PLPP4: variants seen among roughly 807,000 people sequenced by gnomAD.
PLPP4 encodes diacylglycerol pyrophosphate like 2.
A neutral mutation model predicts 32.2 loss-of-function variants in PLPP4; 20 were observed. The ratio of observed to expected loss-of-function variants is 0.62; its 90% CI spans 0.44 to 0.90. The LOEUF (loss-of-function observed/expected upper bound fraction) is 0.90. Among genes scored for constraint, PLPP4 ranks in the 40% least tolerant of loss-of-function variants. The probability of loss-of-function intolerance (pLI) is 0.00; values close to 1 mark genes in which losing one functional copy is unlikely to be tolerated. For missense variants in PLPP4, 257 were observed against 353.1 expected, an observed-to-expected ratio of 0.73 and a Z score of 2.18; for synonymous variants, 127 against 133.0, an observed-to-expected ratio of 0.95 and a Z score of 0.31.
chr10:120,523,155 A>G (rs1846233983), intron 5 of PLPP4, among the ~76,000 whole-genome samples: 1 of 152,146 alleles, frequency 6.6e-6, no homozygotes, highest in African/African-American at 2.4e-5. Flanking sequence ...CAAAAAAATT[A>G]GCTGGACTTG....
At chr10:120,540,532 A>T (rs1282841646) in intron 5 of PLPP4, among the ~76,000 whole-genome samples, 1 of 152,186 alleles carries the variant, frequency 6.6e-6, no homozygotes, top group African/African-American at 2.4e-5. Context: ...ACAATGCCTT[A>T]TGCCAATTAG....
chr10:120,496,772 G>A (rs1844981009), intron 1 of PLPP4, among the ~76,000 whole-genome samples: 1 of 152,084 alleles, frequency 6.6e-6, no homozygotes, highest in Non-Finnish European at 1.5e-5. Context: ...CCCCTCCTGT[G>A]TCCTTTCTAT....
intron 5 of PLPP4, among the ~76,000 whole-genome samples, chr10:120,537,992 TTCTCTCTCTCTCTC>T (rs1158226991): frequency 0.016 from 297 of 19,048 alleles, 44 homozygotes; most frequent in Middle Eastern, 0.05. Flanking sequence ...ACCAGGCCCT[TTCTCTCTCTCTCTC>T]TCTCTCTCTC....
chr10:120,559,691 TCA>T (rs1465754916), intron 5 of PLPP4, among the ~76,000 whole-genome samples: 1 of 151,964 alleles, frequency 6.6e-6, no homozygotes, highest in Non-Finnish European at 1.5e-5. Flanking sequence ...CATAGAGGAA[TCA>T]CAAAGCCTAG....
intron 5 of PLPP4, among the ~76,000 whole-genome samples, chr10:120,566,378 C>T (rs899170390): frequency 6.6e-6 from 1 of 152,096 alleles, no homozygotes; most frequent in African/African-American, 2.4e-5. Flanking sequence ...AATTAACTCC[C>T]CACTTAAGGT....
intron 5 of PLPP4, among the ~76,000 whole-genome samples, chr10:120,552,552 A>G (rs1338345032): frequency 2.6e-5 from 4 of 152,168 alleles, no homozygotes; most frequent in African/African-American, 7.2e-5. Flanking sequence ...TTTGAATTCA[A>G]TGTGCATATT....
intron 5 of PLPP4, among the ~76,000 whole-genome samples, chr10:120,551,281 A>T (rs1847889805): frequency 2.6e-5 from 4 of 152,176 alleles, no homozygotes; most frequent in Non-Finnish European, 5.9e-5. Flanking sequence ...GTTGCTGGTG[A>T]TGTATAAATT....
chr10:120,476,967 C>T (rs1268754566), intron 1 of PLPP4, among the ~76,000 whole-genome samples: 1 of 152,172 alleles, frequency 6.6e-6, no homozygotes. Context: ...TCTTGTCACC[C>T]TGACCTTGTC....
intron 1 of PLPP4, among the ~76,000 whole-genome samples, chr10:120,488,025 G>A (rs962289591): frequency 6.6e-6 from 1 of 152,182 alleles, no homozygotes; most frequent in African/African-American, 2.4e-5. Context: ...CCAGAAGTCA[G>A]GGGCTCTCTG....
At chr10:120,570,704 G>A (rs1848894690) in intron 5 of PLPP4, among the ~76,000 whole-genome samples, 1 of 152,096 alleles carries the variant, frequency 6.6e-6, no homozygotes, top group African/African-American at 2.4e-5. Context: ...TCTTTACAAA[G>A]GGAGAGTTTT....
At position 120,515,194 on chromosome 10, in the gene PLPP4, C is replaced by G. The variant is rs117881975; in HGVS notation, c.256+1193C>G. Among the ~76,000 whole-genome samples, 752 of 152,252 alleles carry G rather than the reference C, an allele frequency of 4.9e-3. 3 individuals are homozygous for G. Among genetic ancestry groups the G allele is most frequent in the Non-Finnish European group, 9.5e-3 (644 of 68,008 alleles). On this transcript the variant is annotated intron_variant, in intron 3 of 6. Transcript: ENST00000398250. ...TACAGGGCTCTGATAAGCAATCTCACAGACATCCAAGAAAAAGGGGGAAAG... is the reference window on the plus strand; with the variant it reads ...TACAGGGCTCTGATAAGCAATCTCAGAGACATCCAAGAAAAAGGGGGAAAG...
chr10:120,560,495 C>G (rs1181041969), intron 5 of PLPP4, among the ~76,000 whole-genome samples: 1 of 152,220 alleles, frequency 6.6e-6, no homozygotes, highest in Non-Finnish European at 1.5e-5. Flanking sequence ...TGGCTCACGC[C>G]TGTAATCCCA....
intron 1 of PLPP4, among the ~76,000 whole-genome samples, chr10:120,496,847 A>C (rs1206469561): frequency 1.3e-5 from 2 of 152,028 alleles, no homozygotes; most frequent in Admixed American, 1.3e-4. Flanking sequence ...ATTAACCAAC[A>C]AGAGCATGGG....
chr10:120,489,230 G>A (rs1564790992), intron 1 of PLPP4, among the ~76,000 whole-genome samples: 1 of 152,208 alleles, frequency 6.6e-6, no homozygotes, highest in Non-Finnish European at 1.5e-5. Context: ...TTGATCTTTC[G>A]TTGGAGAATT....
intron 1 of PLPP4, among the ~76,000 whole-genome samples, chr10:120,502,564 G>GC (rs1026883607): frequency 6.6e-6 from 1 of 152,064 alleles, no homozygotes. Context: ...AGTGTCTCCT[G>GC]CCCTCCAGAG....
intron 5 of PLPP4, among the ~76,000 whole-genome samples, chr10:120,530,146 A>G (rs1423704877): frequency 6.6e-6 from 1 of 152,196 alleles, no homozygotes; most frequent in East Asian, 1.9e-4. Flanking sequence ...TTATTTTAGC[A>G]TTTTAAGGTA....
In PLPP4 at chr10:120,558,608, G is replaced by T. The variant is rs542110217; in HGVS notation, c.446-16523G>T. Among the ~76,000 whole-genome samples the T allele has an allele frequency of 6.6e-5, 10 of 152,054 alleles. No individual in the cohort carries two copies. In the South Asian group the frequency reaches 1.9e-3, roughly 28 times the overall value. On this transcript the variant is annotated intron_variant, in intron 5 of 6. Coordinates refer to ENST00000398250, the MANE Select transcript of PLPP4 (RefSeq NM_001030059.3). ...TGTTTGTATTTTTAGTAAAGACGAG[G>T]TTGCACCATGTTGGCCAGGCTGGTC... is the stretch of plus-strand genomic sequence containing the variant.
At chr10:120,500,070 A>G (rs1845169242) in intron 1 of PLPP4, among the ~76,000 whole-genome samples, 1 of 152,132 alleles carries the variant, frequency 6.6e-6, no homozygotes, top group Non-Finnish European at 1.5e-5. Context: ...ATGGCTGGAG[A>G]AGGGACATCA....
chr10:120,494,255 C>T (rs1265888451), intron 1 of PLPP4, among the ~76,000 whole-genome samples: 2 of 152,174 alleles, frequency 1.3e-5, no homozygotes, highest in Non-Finnish European at 2.9e-5. Context: ...TCCTCATAAG[C>T]ACTTCATATG....
Sources: gnomAD v4.1 joint callset for allele counts (sites outside exome capture counted in the v4.1 genomes callset) on GRCh38, gnomAD v4.1.1 for gene constraint, MANE v1.5 for transcripts, NCBI Gene and HGNC (gene_info 2026-07-23, HGNC 2026-07-21) for gene names.